UBC: variants seen among roughly 807,000 people sequenced by gnomAD.
UBC encodes polyubiquitin-C.
Under a neutral mutation model 34.7 loss-of-function variants are expected in UBC, and 8 were observed. The observed-to-expected ratio is 0.23, with a 90% CI of 0.14 to 0.42. The LOEUF is 0.42. Ranked by LOEUF, UBC falls within the 10% of genes least tolerant of loss-of-function variation. The pLI, the probability that UBC is intolerant of heterozygous loss-of-function variation, is 1.00. For synonymous variants in UBC, 367 were observed against 299.8 expected, an observed-to-expected ratio of 1.22 and a Z score of -2.32; for missense variants, 323 against 750.3, an observed-to-expected ratio of 0.43 and a Z score of 6.65.
At chr12:124,913,830 C>A in intron 1 of UBC, 56 bp from the exon 2 acceptor site, 1 of 1,591,930 alleles carries the variant, frequency 6.3e-7, no homozygotes, top group South Asian at 1.1e-5. Context: ...TAGTCTAACA[C>A]TGAAAATTAC....
Position 124,911,979 on chromosome 12 carries a change from G to C in UBC, c.1793C>G (p.Thr598Ser). Residue 598 changes from threonine (T) to serine (S), a missense_variant, in exon 2 of 2, where the codon ACC becomes AGC. This residue lies in a region of UBC where 49 missense variants were observed against 112.6 expected (regional missense o/e 0.44). Transcript: ENST00000339647. ...TCTGAGACGGAGCACCAGGTGCAGG[G>C]TGGACTCTTTCTGGATGTTGTAGTC... Reference protein sequence around the residue: ...LSDYNIQKESTLHLVLRLRGG... With the variant: ...LSDYNIQKESSLHLVLRLRGG... The C allele has an allele frequency of 6.3e-7, 1 of 1,584,664 alleles. No individual in the cohort carries two copies. Among genetic ancestry groups the C allele is most frequent in the Non-Finnish European group, 8.6e-7 (1 of 1,163,456 alleles).
intron 1 of UBC, chr12:124,913,992 T>A (rs924018669): frequency 1.0e-5 from 7 of 681,212 alleles, no homozygotes; most frequent in African/African-American, 1.8e-5. Flanking sequence ...GCCTCACTTA[T>A]CCCTCCCCTC....
Position 124,913,031 on chromosome 12 carries a change from G to A in UBC, c.741C>T (p.Pro247=), listed in dbSNP as rs1136640. The A allele has an allele frequency of 2.5e-6, 4 of 1,609,396 alleles. No homozygotes were observed. The highest frequency in any genetic ancestry group is 3.4e-6 in the Non-Finnish European group (4 of 1,178,510). ...TGKTITLEVE[P]SDTIENVKAK... ...CTTTGACGTTCTCGATAGTGTCACT[G>A]GGCTCGACCTCAAGGGTGATGGTCT... The change falls in exon 2 of 2, where the codon CCC becomes CCT. Residue 247 remains proline, a synonymous_variant. Transcript: ENST00000339647.
rs374677601 is a variant in UBC at position 124,912,700 on chromosome 12, G to C, written c.1072C>G (p.Arg358Gly). The C allele has an allele frequency of 4.3e-6, 7 of 1,610,348 alleles. No individual in the cohort carries two copies. The highest frequency in any genetic ancestry group is 1.7e-5 in the Admixed American group (1 of 59,582). Residue 358 changes from arginine (R) to glycine (G), a missense_variant, in exon 2 of 2, where the codon CGT (arginine) becomes GGT (glycine). Arg to Gly is a moderately radical substitution (Grantham distance 125, BLOSUM62 -2). Coordinates refer to ENST00000339647, the MANE Select transcript of UBC (RefSeq NM_021009.7). ...TGGATGTTGTAGTCAGACAGGGTAC[G>C]ACCATCTTCCAGCTGTTTTCCGGCA... ...IFAGKQLEDG[R>G]TLSDYNIQKE...
rs573425121 is a variant in UBC at position 124,913,304 on chromosome 12, G to A, written c.468C>T (p.Phe156=). ...VLRLRGGMQI[F]VKTLTGKTIT... ...TGGTCTTACCAGTCAGGGTCTTCAC[G>A]AAGATCTGCATCCCACCTCTGAGAC... is the stretch of plus-strand genomic sequence containing the variant. The change falls in exon 2 of 2, where the codon TTC becomes TTT. Residue 156 remains phenylalanine, a synonymous_variant. Transcript: ENST00000339647. The A allele has an allele frequency of 3.0e-5, 49 of 1,610,342 alleles. No homozygotes were observed. The African/African-American group carries it at 4.6e-4, about 15-fold the overall frequency.
At chr12:124,914,099 G>A (rs998586159) in intron 1 of UBC, 4 of 373,074 alleles carry the variant, frequency 1.1e-5, no homozygotes, top group Admixed American at 8.8e-5. Context: ...CCTACCGGCA[G>A]GTGGCCCCAC....
Position 124,913,167 on chromosome 12 carries a change from A to T in UBC, c.605T>A (p.Leu202Gln). The change falls in exon 2 of 2, where the codon CTG (leucine) becomes CAG (glutamine). Residue 202 changes from leucine to glutamine, a missense_variant. By Grantham distance (113) the Leu-to-Gln change is moderately radical. Around this residue, in one of 5 missense-constraint regions of UBC, gnomAD observed 202 missense variants for 361.9 expected, o/e 0.56. Transcript: ENST00000339647. ...QQRLIFAGKQ[L>Q]EDGRTLSDYN... ...GTCAGACAGGGTACGACCATCTTCC[A>T]GCTGTTTTCCGGCAAAGATCAACCT... 6.2e-7 allele frequency: 1 copy of T among 1,610,796 alleles called. No individual in the cohort carries two copies. Among genetic ancestry groups the T allele is most frequent in the East Asian group, 2.2e-5 (1 of 44,648 alleles).
intron 1 of UBC, 86 bp from the exon 2 acceptor site, chr12:124,913,860 C>G (rs1407500918): frequency 1.5e-5 from 23 of 1,561,952 alleles, no homozygotes; most frequent in Non-Finnish European, 2.0e-5. Context: ...CAAATGATTA[C>G]ATTTCAAAAG....
chr12:124,914,094 C>T, intron 1 of UBC: 2 of 378,084 alleles, frequency 5.3e-6, no homozygotes, highest in Non-Finnish European at 9.7e-6. Context: ...GCACACCTAC[C>T]GGCAGGTGGC....
Position 124,911,773 on chromosome 12 carries a change from A to G in UBC, c.1999T>C (p.Tyr667His). The part of the protein sequence containing the change: ...QLEDGRTLSD[Y>H]NIQKESTLHL... ...AGAGTGGACTCTTTCTGGATGTTGTAGTCAGACAGGGTGCGTCCATCTTCC... is the reference window on the plus strand; with the variant it reads ...AGAGTGGACTCTTTCTGGATGTTGTGGTCAGACAGGGTGCGTCCATCTTCC... Residue 667 changes from tyrosine (Y) to histidine (H), a missense_variant, in exon 2 of 2, where the codon TAC becomes CAC. By Grantham distance (83) the Tyr-to-His change is moderately conservative. Around this residue, in one of 5 missense-constraint regions of UBC, gnomAD observed 49 missense variants for 112.6 expected, o/e 0.44. Transcript: ENST00000339647. 6.2e-7 allele frequency: 1 copy of G among 1,613,982 alleles called. No individual in the cohort carries two copies. Among genetic ancestry groups the G allele is most frequent in the Non-Finnish European group, 8.5e-7 (1 of 1,179,862 alleles).
intron 1 of UBC, 42 bp from the exon 2 acceptor site, chr12:124,913,816 T>A: frequency 6.2e-7 from 1 of 1,608,478 alleles, no homozygotes; most frequent in Non-Finnish European, 8.5e-7. Flanking sequence ...AGCGGACAAT[T>A]TACTAGTCTA....
chr12:124,913,974 A>G (rs1953569547), intron 1 of UBC, 200 bp from the exon 2 acceptor site: 3 of 765,034 alleles, frequency 3.9e-6, no homozygotes, highest in East Asian at 2.8e-5. Context: ...CCGACCAGAG[A>G]AACTGACGCC....
At position 124,912,979 on chromosome 12, in the gene UBC, G is replaced by A. The variant is rs1378738548; in HGVS notation, c.793C>T (p.Pro265Ser). The A allele has an allele frequency of 3.1e-6, 5 of 1,611,456 alleles. No homozygotes were observed. Among genetic ancestry groups the A allele is most frequent in the East Asian group, 2.2e-5 (1 of 44,542 alleles). Residue 265 changes from proline (P) to serine (S), a missense_variant, in exon 2 of 2, where the codon CCT becomes TCT. By Grantham distance (74) the Pro-to-Ser change is moderately conservative. Coordinates refer to ENST00000339647, the MANE Select transcript of UBC (RefSeq NM_021009.7). ...KAKIQDKEGI[P>S]PDQQRLIFAG... is the part of the protein sequence containing the mutation. Reference sequence around the variant, plus strand: ...AAGATCAACCTCTGCTGGTCAGGAGGAATGCCTTCCTTGTCTTGGATCTTT... The same window carrying A: ...AAGATCAACCTCTGCTGGTCAGGAGAAATGCCTTCCTTGTCTTGGATCTTT...
At position 124,913,244 on chromosome 12, in the gene UBC, C is replaced by G; in HGVS notation, c.528G>C (p.Glu176Asp). 1 of 1,611,260 alleles carries G rather than the reference C, an allele frequency of 6.2e-7. No individual in the cohort carries two copies. The highest frequency in any genetic ancestry group is 8.5e-7 in the Non-Finnish European group (1 of 1,178,616). ...TLEVEPSDTI[E>D]NVKAKIQDKE... ...TATCTTGGATCTTTGCCTTGACATTCTCGATGGTGTCACTGGGCTCCACCT... is the reference window on the plus strand; with the variant it reads ...TATCTTGGATCTTTGCCTTGACATTGTCGATGGTGTCACTGGGCTCCACCT... Residue 176 changes from glutamate (E) to aspartate (D), a missense_variant, in exon 2 of 2, where the codon GAG becomes GAC. Around this residue, in one of 5 missense-constraint regions of UBC, gnomAD observed 202 missense variants for 361.9 expected, o/e 0.56. Transcript: ENST00000339647.
rs1350962507 is a variant in UBC, at chr12:124,914,626, C to T, written c.-43G>A. On this transcript the variant is annotated 5_prime_UTR_variant, in exon 1 of 2. Transcript: ENST00000339647. Reference sequence around the variant, plus strand: ...AGCGATCCACAAACAAGAACTGCGACCCAAATCCCGGCTGCGACGGAACTA... The same window carrying T: ...AGCGATCCACAAACAAGAACTGCGATCCAAATCCCGGCTGCGACGGAACTA... The T allele has an allele frequency of 2.6e-5, 4 of 151,804 alleles. No homozygotes were observed. Among genetic ancestry groups the T allele is most frequent in the South Asian group, 2.1e-4 (1 of 4,836 alleles). The allele number at this position is 151,804 out of a possible 1,614,324, so 9.4% of individuals were successfully genotyped here. A position where few individuals can be genotyped will look rare whatever the true frequency, so the allele number is the denominator to read the frequency against.
chr12:124,914,159 G>A (rs945349970), intron 1 of UBC: 1 of 250,188 alleles, frequency 4.0e-6, no homozygotes, highest in Admixed American at 5.1e-5. Context: ...CGACGAGGGC[G>A]CGCGCTCCCA....
intron 1 of UBC, 157 bp from the exon 2 acceptor site, chr12:124,913,931 G>T: frequency 8.6e-7 from 1 of 1,156,374 alleles, no homozygotes; most frequent in Non-Finnish European, 1.2e-6. Context: ...CAAAACCGGA[G>T]CTTCAGCTAC....
At chr12:124,914,131 A>C in intron 1 of UBC, 1 of 280,610 alleles carries the variant, frequency 3.6e-6, no homozygotes, top group Non-Finnish European at 6.8e-6. Flanking sequence ...AGCCAACAGA[A>C]CGGGTGACGT....
At chr12:124,914,226 G>C in intron 1 of UBC, 1 of 199,298 alleles carries the variant, frequency 5.0e-6, no homozygotes, top group South Asian at 7.8e-5. Flanking sequence ...CGCAACAGAC[G>C]ACAAACCGAG....
Sources: allele counts gnomAD v4.1 joint callset, GRCh38; gene constraint gnomAD v4.1.1; regional missense constraint gnomAD v4.1.1; transcripts MANE v1.5; gene names NCBI Gene and HGNC (gene_info 2026-07-23, HGNC 2026-07-21).